Variants in SLFN12 observed in about 807,000 individuals in gnomAD.
SLFN12 encodes the protein ribonuclease SLFN12.
Under a neutral mutation model 29.1 loss-of-function variants are expected in SLFN12, and 25 were observed. The ratio of observed to expected loss-of-function variants is 0.86; its 90% CI spans 0.63 to 1.20. The LOEUF (loss-of-function observed/expected upper bound fraction) is 1.20, where lower values mean the gene tolerates loss of function less well. Among genes scored for constraint, SLFN12 ranks in the 50% most tolerant of loss-of-function variants. SLFN12 has a pLI of 0.00. For synonymous variants in SLFN12, 257 were observed against 238.7 expected (o/e 1.08, Z -0.71); for missense variants, 660 against 666.2 (o/e 0.99, Z 0.10).
chr17:35,424,745 T>C (rs1420469353), intron 1 of SLFN12, among the ~76,000 whole-genome samples: 2 of 152,176 alleles, frequency 1.3e-5, no homozygotes, highest in African/African-American at 4.8e-5. Context: ...CCCAAACCAT[T>C]TGGACAGTTG....
At chr17:35,415,226 T>C (rs1029172171) in intron 3 of SLFN12, among the ~76,000 whole-genome samples, 53 of 152,002 alleles carry the variant, frequency 3.5e-4, no homozygotes, top group African/African-American at 1.2e-3. Context: ...TACAGTTCAA[T>C]TGGATCTTCA....
intron 1 of SLFN12, among the ~76,000 whole-genome samples, chr17:35,424,005 C>A (rs1055815562): frequency 6.6e-6 from 1 of 152,124 alleles, no homozygotes. Context: ...TATTTGTAAG[C>A]CACCCAGCTT....
intron 1 of SLFN12, chr17:35,431,800 G>A (rs1373310519): frequency 6.6e-6 from 1 of 152,138 alleles, no homozygotes; most frequent in East Asian, 1.9e-4. Flanking sequence ...ATGAAATGGA[G>A]GCTAGGTGGG....
rs1567849058 is a variant in SLFN12 at position 35,422,336 on chromosome 17, A to G, written c.693T>C (p.Asn231=). ...CAATGAACAAATATCCTCCATCAGT[A>G]TTTGCAAATGCAGAAACATATTGAG... ...ILPQYVSAFA[N]TDGGYLFIGL... The change falls in exon 2 of 4, where the codon AAT becomes AAC. Residue 231 remains asparagine, a synonymous_variant. Transcript: ENST00000304905. The G allele has an allele frequency of 6.2e-7, 1 of 1,613,992 alleles. No homozygotes were observed. Among genetic ancestry groups the G allele is most frequent in the East Asian group, 2.2e-5 (1 of 44,882 alleles).
In SLFN12 at chr17:35,432,480, T is replaced by C. The variant is rs1482480716; in HGVS notation, c.-333A>G. On this transcript the variant is annotated 5_prime_UTR_variant, in exon 1 of 4. Transcript: ENST00000304905. ...AATAGGAGCCCGAGATCAGTCTGAATGGTTGCAGAAAGCGATCAATGGGAG... is the reference window on the plus strand; with the variant it reads ...AATAGGAGCCCGAGATCAGTCTGAACGGTTGCAGAAAGCGATCAATGGGAG... 6.6e-6 allele frequency: 1 copy of C among 152,148 alleles called. No homozygotes were observed. Among genetic ancestry groups the C allele is most frequent in the African/African-American group, 2.4e-5 (1 of 41,430 alleles). The allele number at this position is 152,148 out of a possible 1,614,324, so 9.4% of individuals were successfully genotyped here. A position where few individuals can be genotyped will look rare whatever the true frequency, so the allele number is the denominator to read the frequency against.
intron 3 of SLFN12, among the ~76,000 whole-genome samples, chr17:35,412,636 G>C (rs1215067557): frequency 6.6e-6 from 1 of 152,040 alleles, no homozygotes; most frequent in Non-Finnish European, 1.5e-5. Flanking sequence ...AGTAAATATA[G>C]CCCTTTTTGG....
intron 3 of SLFN12, among the ~76,000 whole-genome samples, chr17:35,414,220 A>G (rs1019408426): frequency 6.6e-6 from 1 of 152,132 alleles, no homozygotes; most frequent in African/African-American, 2.4e-5. Flanking sequence ...GAACTTATAT[A>G]TAGAAAACCT....
chr17:35,411,289 T>C lies in SLFN12; in HGVS notation c.*49A>G, dbSNP rs781392000. On this transcript the variant is annotated 3_prime_UTR_variant, in exon 4 of 4. Coordinates refer to ENST00000304905, the MANE Select transcript of SLFN12 (RefSeq NM_018042.5). ...AATATTTTCACAGAATTAGAGAATG[T>C]TATCAAATATATAATGAAAAATATC... The C allele has an allele frequency of 7.9e-7, 1 of 1,267,288 alleles. No homozygotes were observed. The highest frequency in any genetic ancestry group is 1.1e-6 in the Non-Finnish European group (1 of 927,314). 78.5% of individuals were successfully genotyped at this position (1,267,288 alleles called of 1,614,324 possible).
chr17:35,417,032 G>A lies in SLFN12; in HGVS notation c.1147+3242C>T, dbSNP rs1567845568. On this transcript the variant is annotated intron_variant, in intron 3 of 3. Transcript: ENST00000304905. The stretch of plus-strand genomic sequence containing the variant: ...TTATATAAATTTTTTCAAAGGATAG[G>A]AAAAGAGGAAATAATCCCCAACTCA... 2.0e-5 allele frequency among the ~76,000 whole-genome samples: 3 copies of A among 152,146 alleles called. No homozygotes were observed. In the South Asian group the frequency reaches 6.2e-4, roughly 32 times the overall value.
At chr17:35,417,450 T>C (rs972880353) in intron 3 of SLFN12, among the ~76,000 whole-genome samples, 2 of 152,036 alleles carry the variant, frequency 1.3e-5, no homozygotes, top group Non-Finnish European at 2.9e-5. Flanking sequence ...CTCAATTTCT[T>C]TTTTTTATTA....
chr17:35,433,109 G>C (rs7220663), upstream of SLFN12: 17,986 of 152,214 alleles, frequency 0.12, 1,427 homozygotes, highest in South Asian at 0.28. Flanking sequence ...AAAGAACAAA[G>C]GAACTTGGCG....
At chr17:35,423,472 T>C (rs576868444) in intron 1 of SLFN12, among the ~76,000 whole-genome samples, 5 of 152,196 alleles carry the variant, frequency 3.3e-5, no homozygotes, top group South Asian at 2.1e-4. Context: ...AATTTCAGCT[T>C]TTACCTTAAT....
chr17:35,424,635 C>G (rs2142045662), intron 1 of SLFN12, among the ~76,000 whole-genome samples: 1 of 152,286 alleles, frequency 6.6e-6, no homozygotes. Context: ...TTCCTGTCCA[C>G]AGCTGGACCA....
intron 3 of SLFN12, among the ~76,000 whole-genome samples, chr17:35,418,687 C>T (rs200924953): frequency 7.9e-6 from 1 of 126,178 alleles, no homozygotes; most frequent in Non-Finnish European, 1.5e-5. Context: ...TCGACTGCAC[C>T]TTTTGTTCAA....
rs765916073 is a variant in SLFN12 at position 35,411,152 on chromosome 17, C to T, written c.*186G>A. On this transcript the variant is annotated 3_prime_UTR_variant, in exon 4 of 4. Coordinates refer to ENST00000304905, the MANE Select transcript of SLFN12 (RefSeq NM_018042.5). ...CAGACGAGTTAACAAATTAATTTTC[C>T]TAATATCCCTCAAACAATATCTGTG... The T allele has an allele frequency of 4.1e-5, 20 of 492,230 alleles. No individual in the cohort carries two copies. Among genetic ancestry groups the T allele is most frequent in the Non-Finnish European group, 5.7e-5 (16 of 281,378 alleles). 30.5% of individuals were successfully genotyped at this position (492,230 alleles called of 1,614,324 possible). A position where few individuals can be genotyped will look rare whatever the true frequency, so the allele number is the denominator to read the frequency against.
At chr17:35,421,209 AAAATAAATAAATAAATAAAT>A (rs71152711) in intron 2 of SLFN12, among the ~76,000 whole-genome samples, 37 of 140,300 alleles carry the variant, frequency 2.6e-4, no homozygotes, top group Middle Eastern at 3.5e-3. Flanking sequence ...ACTCCGTCTC[AAAATAAATAAATAAATAAAT>A]AAATAAATAA....
At position 35,422,314 on chromosome 17, in the gene SLFN12, T is replaced by A; in HGVS notation, c.715A>T (p.Ile239Phe). 1 of 1,613,922 alleles carries A rather than the reference T, an allele frequency of 6.2e-7. No homozygotes were observed. Among genetic ancestry groups the A allele is most frequent in the Admixed American group, 1.7e-5 (1 of 59,992 alleles). ...ATTTCTTTATCTTCATTTAAACCAA[T>A]GAACAAATATCCTCCATCAGTATTT... ...FANTDGGYLF[I>F]GLNEDKEIIG... The change falls in exon 2 of 4, where the codon ATT (isoleucine) becomes TTT (phenylalanine). Residue 239 changes from isoleucine to phenylalanine, a missense_variant. Ile to Phe is a conservative substitution (Grantham distance 21). Transcript: ENST00000304905.
chr17:35,412,537 G>A (rs572674800), intron 3 of SLFN12, among the ~76,000 whole-genome samples: 26 of 152,002 alleles, frequency 1.7e-4, no homozygotes, highest in Admixed American at 6.5e-4. Context: ...TAGTAGTAAC[G>A]GCAAAATTAA....
At chr17:35,417,211 C>T (rs1401038086) in intron 3 of SLFN12, among the ~76,000 whole-genome samples, 2 of 151,864 alleles carry the variant, frequency 1.3e-5, no homozygotes, top group African/African-American at 2.4e-5. Flanking sequence ...ACTGCAAGAC[C>T]GAACTGAGTT....
Sources: allele counts gnomAD v4.1 joint callset (sites outside exome capture counted in the v4.1 genomes callset), GRCh38; gene constraint gnomAD v4.1.1; transcripts MANE v1.5; gene names NCBI Gene and HGNC (gene_info 2026-07-23, HGNC 2026-07-21).